The following POFUT1 variants were observed in gnomAD, a reference collection of about 807,000 sequenced individuals.
POFUT1 encodes GDP-fucose protein O-fucosyltransferase 1.
In POFUT1, 16 loss-of-function variants were observed where a neutral mutation model predicts 42.4. The ratio of observed to expected loss-of-function variants is 0.38; its 90% confidence interval spans 0.26 to 0.57. POFUT1 has a LOEUF of 0.57. Ranked by LOEUF, POFUT1 falls within the 20% of genes least tolerant of loss-of-function variation. The probability of loss-of-function intolerance (pLI) is 0.71; values close to 1 mark genes in which losing one functional copy is unlikely to be tolerated. For synonymous variants in POFUT1, 206 were observed against 205.4 expected (o/e 1.00, Z -0.03); for missense variants, 470 against 504.6 (o/e 0.93, Z 0.66).
intron 6 of POFUT1, among the ~76,000 whole-genome samples, chr20:32,231,520 C>G (rs1010984697): frequency 6.6e-6 from 1 of 152,150 alleles, no homozygotes. Context: ...AGTAGGCAGT[C>G]AGTTTGTTGA....
intron 5 of POFUT1, among the ~76,000 whole-genome samples, chr20:32,229,077 T>C (rs1025724030): frequency 6.6e-6 from 1 of 152,108 alleles, no homozygotes; most frequent in African/African-American, 2.4e-5. Context: ...CACTAAACTC[T>C]CCTCTTTCCC....
At position 32,234,842 on chromosome 20, in the gene POFUT1, G is replaced by A; in HGVS notation, c.*181G>A. 1.8e-6 allele frequency: 1 copy of A among 547,826 alleles called. No homozygotes were observed. The highest frequency in any genetic ancestry group is 3.2e-6 in the Non-Finnish European group (1 of 314,412). The allele number at this position is 547,826 out of a possible 1,614,324, so 33.9% of individuals were successfully genotyped here. ...GAGACGCTCCATATCCCAGGGCATA[G>A]GACTTGCAGGTTCCTAGGAGCAGGA... On this transcript the variant is annotated 3_prime_UTR_variant, in exon 7 of 7. Coordinates refer to ENST00000375749, the MANE Select transcript of POFUT1 (RefSeq NM_015352.2).
In POFUT1 at chr20:32,230,857, C is replaced by T. The variant is rs1295472696; in HGVS notation, c.774C>T (p.Gly258=). The T allele has an allele frequency of 6.2e-7, 1 of 1,614,118 alleles. No homozygotes were observed. Among genetic ancestry groups the T allele is most frequent in the Admixed American group, 1.7e-5 (1 of 60,026 alleles). Residue 258 remains glycine, a synonymous_variant, in exon 6 of 7, where the codon GGC becomes GGT. Transcript: ENST00000375749. The part of the protein sequence containing the change: ...ACAMLKDGTA[G]SHFMASPQCV... The stretch of plus-strand genomic sequence containing the variant: ...CCATGCTGAAGGACGGGACTGCAGG[C>T]TCGCACTTCATGGCCTCTCCGCAGT...
In POFUT1 at chr20:32,210,052, C is replaced by A; in HGVS notation, c.125-19C>A. ...TCCATGCCCCAGGCCTCACCTCACCCGCAATGTACCATTTCCAGGGCGCTT... is the reference window on the plus strand; with the variant it reads ...TCCATGCCCCAGGCCTCACCTCACCAGCAATGTACCATTTCCAGGGCGCTT... On this transcript the variant is annotated intron_variant, in intron 1 of 6. Transcript: ENST00000375749. The A allele has an allele frequency of 6.2e-7, 1 of 1,614,112 alleles. No homozygotes were observed. Among genetic ancestry groups the A allele is most frequent in the Non-Finnish European group, 8.5e-7 (1 of 1,180,006 alleles).
chr20:32,225,948 T>G (rs545753778), intron 4 of POFUT1, among the ~76,000 whole-genome samples: 3 of 152,336 alleles, frequency 2.0e-5, no homozygotes, highest in Admixed American at 6.5e-5. Flanking sequence ...CATTCTGGCT[T>G]AACCTACAAT....
chr20:32,226,923 G>A (rs938800828), intron 4 of POFUT1, among the ~76,000 whole-genome samples: 2 of 152,168 alleles, frequency 1.3e-5, no homozygotes, highest in Non-Finnish European at 2.9e-5. Context: ...GTATAGGCTT[G>A]TGTGAACATA....
intron 6 of POFUT1, among the ~76,000 whole-genome samples, chr20:32,233,119 A>G (rs2047451472): frequency 6.6e-6 from 1 of 152,192 alleles, no homozygotes; most frequent in African/African-American, 2.4e-5. Context: ...AGCAGTGGAG[A>G]GCAAACCAAC....
At chr20:32,234,362 C>A in intron 6 of POFUT1, 111 bp from the exon 7 acceptor site, 1 of 1,001,120 alleles carries the variant, frequency 1.0e-6, no homozygotes, top group Non-Finnish European at 1.5e-6. Flanking sequence ...CTCTTCTCTG[C>A]CCCTCCTTTT....
chr20:32,230,694 CAAA>C (rs35523833), intron 5 of POFUT1, 122 bp from the exon 6 acceptor site: 911 of 909,224 alleles, frequency 1.0e-3, no homozygotes, highest in Middle Eastern at 1.8e-3. Context: ...GACTCCGTCT[CAAA>C]AAAAAAAAAA....
intron 4 of POFUT1, chr20:32,223,834 G>A: frequency 7.1e-6 from 2 of 281,876 alleles, no homozygotes; most frequent in Non-Finnish European, 1.1e-5. Flanking sequence ...ATGGGAGTAA[G>A]GGGTAGTAGT....
chr20:32,213,179 C>T (rs1372027272), intron 2 of POFUT1, among the ~76,000 whole-genome samples: 1 of 152,130 alleles, frequency 6.6e-6, no homozygotes, highest in Non-Finnish European at 1.5e-5. Context: ...AGTGACCGCA[C>T]CCAGCCAGAA....
At chr20:32,226,311 T>A (rs1262356980) in intron 4 of POFUT1, among the ~76,000 whole-genome samples, 1 of 152,332 alleles carries the variant, frequency 6.6e-6, no homozygotes, top group South Asian at 2.1e-4. Flanking sequence ...CAACCTCCCA[T>A]GTACCCTTTA....
rs772308834 is a variant in POFUT1, at chr20:32,237,500, G to A, written c.*2839G>A. ...AGCACGTGCAAAGGCCCCGAGACTG[G>A]AGTGTGTTCCTGAAGAGCAGCCAGG... On this transcript the variant is annotated 3_prime_UTR_variant, in exon 7 of 7. Coordinates refer to ENST00000375749, the MANE Select transcript of POFUT1 (RefSeq NM_015352.2). 9.7e-5 allele frequency: 21 copies of A among 216,806 alleles called. No homozygotes were observed. Among genetic ancestry groups the A allele is most frequent in the Non-Finnish European group, 1.9e-4 (20 of 102,912 alleles). The allele number at this position is 216,806 out of a possible 1,614,324, so 13.4% of individuals were successfully genotyped here. A position where few individuals can be genotyped will look rare whatever the true frequency, so the allele number is the denominator to read the frequency against.
chr20:32,215,430 T>A lies in POFUT1; in HGVS notation c.408T>A (p.Asp136Glu), dbSNP rs999915651. The A allele has an allele frequency of 1.2e-6, 2 of 1,612,040 alleles. No individual in the cohort carries two copies. The highest frequency in any genetic ancestry group is 1.7e-5 in the Admixed American group (1 of 59,976). Reference protein sequence around the residue: ...CFEVAAQRSPDKKTCPMKEGN... With the variant: ...CFEVAAQRSPEKKTCPMKEGN... ...AGGTGGCAGCCCAGCGAAGCCCAGATAAGAAGACGTGCCCCATGAAGGTGG... is the reference window on the plus strand; with the variant it reads ...AGGTGGCAGCCCAGCGAAGCCCAGAAAAGAAGACGTGCCCCATGAAGGTGG... Residue 136 changes from aspartate (D) to glutamate (E), a missense_variant, in exon 3 of 7, where the codon GAT becomes GAA. Transcript: ENST00000375749.
At chr20:32,221,393 G>A (rs1448933220) in intron 4 of POFUT1, among the ~76,000 whole-genome samples, 1 of 152,036 alleles carries the variant, frequency 6.6e-6, no homozygotes, top group African/African-American at 2.4e-5. Context: ...ACGATGAGTG[G>A]TTTTGAAACT....
At chr20:32,217,465 T>C (rs1352554389) in intron 4 of POFUT1, 3 of 996,524 alleles carry the variant, frequency 3.0e-6, no homozygotes, top group Admixed American at 5.6e-5. Context: ...GGTAAACAGA[T>C]GTAGAGAAAT....
chr20:32,211,745 G>A (rs926345878), intron 2 of POFUT1, among the ~76,000 whole-genome samples: 3 of 152,116 alleles, frequency 2.0e-5, no homozygotes, highest in Non-Finnish European at 4.4e-5. Context: ...TTCTCACTGA[G>A]GTCACCAGTG....
At chr20:32,216,872 T>A in intron 4 of POFUT1, 151 bp downstream of exon 4, 1 of 1,495,474 alleles carries the variant, frequency 6.7e-7, no homozygotes, top group East Asian at 2.3e-5. Context: ...GAATCCTGTG[T>A]GATCTGTTCC....
At chr20:32,227,855 G>A (rs1446199622) in intron 4 of POFUT1, among the ~76,000 whole-genome samples, 3 of 152,146 alleles carry the variant, frequency 2.0e-5, no homozygotes, top group South Asian at 2.1e-4. Context: ...TGACCTGGCC[G>A]TTGCTTCTGT....
Sources: gnomAD v4.1 joint callset for allele counts (sites outside exome capture counted in the v4.1 genomes callset) on GRCh38, gnomAD v4.1.1 for gene constraint, MANE v1.5 for transcripts, NCBI Gene and HGNC (gene_info 2026-07-23, HGNC 2026-07-21) for gene names.